The following MACROD1 variants were observed in gnomAD, a reference collection of about 807,000 sequenced individuals.
MACROD1 encodes the protein mono-ADP ribosylhydrolase 1.
MACROD1 carries 31 observed loss-of-function variants against 41.4 expected under a neutral mutation model. The ratio of observed to expected loss-of-function variants is 0.75; its 90% CI spans 0.56 to 1.01. The LOEUF (loss-of-function observed/expected upper bound fraction) is 1.01. Among genes scored for constraint, MACROD1 ranks in the 50% least tolerant of loss-of-function variants. MACROD1 has a pLI of 0.00. For synonymous variants in MACROD1, 252 were observed against 203.4 expected (o/e 1.24, Z -2.03); for missense variants, 473 against 460.0 (o/e 1.03, Z -0.26).
intron 3 of MACROD1, chr11:64,116,099 C>A: frequency 9.6e-7 from 1 of 1,037,710 alleles, no homozygotes; most frequent in Non-Finnish European, 1.4e-6. Flanking sequence ...CCTCACCCCG[C>A]AGGACCGGAC....
At chr11:64,093,193 T>A (rs1377829736) in intron 3 of MACROD1, among the ~76,000 whole-genome samples, 2 of 152,224 alleles carry the variant, frequency 1.3e-5, no homozygotes, top group Non-Finnish European at 2.9e-5. Flanking sequence ...GAATAGTGTC[T>A]GCCTCGGACA....
intron 3 of MACROD1, among the ~76,000 whole-genome samples, chr11:64,041,514 T>C (rs1435248618): frequency 6.7e-6 from 1 of 149,332 alleles, no homozygotes; most frequent in Non-Finnish European, 1.5e-5. Flanking sequence ...CTGGAGGGTG[T>C]GTTGGGGGAC....
intron 3 of MACROD1, among the ~76,000 whole-genome samples, chr11:64,019,387 C>T (rs917014148): frequency 6.6e-6 from 1 of 152,212 alleles, no homozygotes; most frequent in Non-Finnish European, 1.5e-5. Context: ...CCTCAGTCTC[C>T]GACTCCCACA....
At chr11:64,145,400 G>A (rs760551364) in intron 3 of MACROD1, among the ~76,000 whole-genome samples, 3 of 152,132 alleles carry the variant, frequency 2.0e-5, no homozygotes, top group Non-Finnish European at 4.4e-5. Flanking sequence ...ACTCTGCTTA[G>A]TAGCTCTCGC....
intron 3 of MACROD1, among the ~76,000 whole-genome samples, chr11:64,126,215 AGTGAGCCGCCAGGG>A (rs1181652247): frequency 6.6e-6 from 1 of 152,150 alleles, no homozygotes; most frequent in Admixed American, 6.5e-5. Context: ...GGGTACCCAA[AGTGAGCCGCCAGGG>A]GGTTCCGAGG....
At chr11:64,079,557 C>T (rs539102114) in intron 3 of MACROD1, among the ~76,000 whole-genome samples, 12 of 152,244 alleles carry the variant, frequency 7.9e-5, no homozygotes, top group Admixed American at 2.0e-4. Context: ...AGACCGCAGC[C>T]GCCACGGGCA....
At chr11:64,043,833 C>T (rs1013948141) in intron 3 of MACROD1, among the ~76,000 whole-genome samples, 65 of 144,906 alleles carry the variant, frequency 4.5e-4, no homozygotes, top group African/African-American at 1.2e-3. Context: ...TTTTTTATGA[C>T]GGAGTTTCGC....
rs745327909 is a variant in MACROD1 at position 64,117,627 on chromosome 11, A to C, written c.517+33612T>G. The C allele has an allele frequency of 6.2e-6, 10 of 1,613,788 alleles. No homozygotes were observed. Among genetic ancestry groups the C allele is most frequent in the Non-Finnish European group, 8.5e-6 (10 of 1,180,016 alleles). ...CCTGACGGCAGACTCCATCCGCATC[A>C]CGTGGAAGGCCACGCTCCCCGCCTC... is the stretch of plus-strand genomic sequence containing the variant. On this transcript the variant is annotated intron_variant, in intron 3 of 10. Coordinates refer to ENST00000255681, the MANE Select transcript of MACROD1 (RefSeq NM_014067.4).
intron 3 of MACROD1, among the ~76,000 whole-genome samples, chr11:64,051,683 T>C (rs1214039188): frequency 6.6e-6 from 1 of 151,984 alleles, no homozygotes; most frequent in African/African-American, 2.4e-5. Context: ...GCCCGGAGCT[T>C]ATAGGGGCAG....
At chr11:64,031,077 T>TGAG (rs1055276750) in intron 3 of MACROD1, among the ~76,000 whole-genome samples, 5 of 151,592 alleles carry the variant, frequency 3.3e-5, no homozygotes, top group African/African-American at 1.2e-4. Context: ...GGGATGAGGA[T>TGAG]GAGGAGGAGG....
At chr11:64,038,144 C>T (rs974038853) in intron 3 of MACROD1, among the ~76,000 whole-genome samples, 5 of 152,164 alleles carry the variant, frequency 3.3e-5, no homozygotes, top group East Asian at 3.8e-4. Context: ...CTGGGAGGTC[C>T]GCCCAGCTGT....
At chr11:64,084,076 C>A (rs569878329) in intron 3 of MACROD1, among the ~76,000 whole-genome samples, 36 of 152,270 alleles carry the variant, frequency 2.4e-4, no homozygotes, top group African/African-American at 8.4e-4. Flanking sequence ...ATAGTGTGTC[C>A]CTGCCATCCT....
intron 3 of MACROD1, among the ~76,000 whole-genome samples, chr11:64,141,308 G>A (rs138314233): frequency 2.3e-4 from 35 of 152,354 alleles, no homozygotes; most frequent in African/African-American, 6.5e-4. Flanking sequence ...TCAGGGTCTG[G>A]AGAGTGTCTG....
chr11:64,125,085 C>T (rs922047470), intron 3 of MACROD1, among the ~76,000 whole-genome samples: 2 of 152,182 alleles, frequency 1.3e-5, no homozygotes, highest in Non-Finnish European at 2.9e-5. Context: ...TCTTTGAGAC[C>T]ACTGTCACTG....
At chr11:64,040,061 T>A (rs1943455865) in intron 3 of MACROD1, among the ~76,000 whole-genome samples, 1 of 152,242 alleles carries the variant, frequency 6.6e-6, no homozygotes, top group African/African-American at 2.4e-5. Context: ...CTTGAGATAA[T>A]CATTGAGCAT....
At chr11:63,999,091 CTG>C in intron 8 of MACROD1, 55 bp from the exon 9 acceptor site, 1 of 1,495,730 alleles carries the variant, frequency 6.7e-7, no homozygotes, top group African/African-American at 1.4e-5. Context: ...CCCCAGGATC[CTG>C]TGACTGCCTG....
At position 64,082,502 on chromosome 11, in the gene MACROD1, G is replaced by A. The variant is rs150842308; in HGVS notation, c.518-67221C>T. 2.0e-5 allele frequency among the ~76,000 whole-genome samples: 3 copies of A among 152,194 alleles called. No individual in the cohort carries two copies. The highest frequency in any genetic ancestry group is 3.9e-4 in the East Asian group (2 of 5,144). On this transcript the variant is annotated intron_variant, in intron 3 of 10. Transcript: ENST00000255681. The surrounding 1 kb of genome is among the most constrained non-coding windows in gnomAD (Gnocchi z 4.5). The stretch of plus-strand genomic sequence containing the variant: ...CTGGGGCCAAGAGCTGGTCCCAGGG[G>A]GTGAAACAAGGCTCGGTGCCTAACG...
chr11:64,106,070 C>A (rs1378748108), intron 3 of MACROD1, among the ~76,000 whole-genome samples: 1 of 152,122 alleles, frequency 6.6e-6, no homozygotes, highest in African/African-American at 2.4e-5. Flanking sequence ...GGCCAGCATC[C>A]ATATCAGTGG....
At chr11:64,055,283 G>A (rs567555569) in intron 3 of MACROD1, among the ~76,000 whole-genome samples, 1 of 152,338 alleles carries the variant, frequency 6.6e-6, no homozygotes, top group South Asian at 2.1e-4. Flanking sequence ...ACCATGCAGT[G>A]GGCGGGAGAC....
Sources: allele counts gnomAD v4.1 joint callset (sites outside exome capture counted in the v4.1 genomes callset), GRCh38; gene constraint gnomAD v4.1.1; non-coding constraint Gnocchi (gnomAD v3.1); transcripts MANE v1.5; gene names NCBI Gene and HGNC (gene_info 2026-07-23, HGNC 2026-07-21).